The following SLC6A11 variants were observed in gnomAD, a reference collection of about 807,000 sequenced individuals.
SLC6A11 encodes sodium- and chloride-dependent GABA transporter 3.
A neutral mutation model predicts 74.8 loss-of-function variants in SLC6A11; 25 were observed. That is an observed-to-expected ratio of 0.33 (90% CI 0.24 to 0.47). The LOEUF (loss-of-function observed/expected upper bound fraction) is 0.47, where lower values mean the gene tolerates loss of function less well. Ranked by LOEUF, SLC6A11 falls within the 20% of genes least tolerant of loss-of-function variation. The pLI, the probability that SLC6A11 is intolerant of heterozygous loss-of-function variation, is 1.00. For synonymous variants in SLC6A11, 330 were observed against 330.2 expected (o/e 1.00, Z 0.01); for missense variants, 574 against 837.0 (o/e 0.69, Z 3.88).
intron 9 of SLC6A11, among the ~76,000 whole-genome samples, chr3:10,927,645 A>G (rs941223767): frequency 6.6e-6 from 1 of 152,142 alleles, no homozygotes; most frequent in African/African-American, 2.4e-5. Context: ...TAGGACCTGG[A>G]GAAAGGATAG....
intron 8 of SLC6A11, among the ~76,000 whole-genome samples, chr3:10,921,388 G>A (rs77514839): frequency 0.038 from 5,796 of 152,204 alleles, 229 homozygotes; most frequent in East Asian, 0.16. Flanking sequence ...GATGTGTGGT[G>A]GAAGTGCAAA....
At chr3:10,819,674 G>A (rs1694111924) in intron 2 of SLC6A11, 38 bp from the exon 3 acceptor site, 1 of 1,611,342 alleles carries the variant, frequency 6.2e-7, no homozygotes, top group Admixed American at 1.7e-5. Context: ...GTTTTGAAAA[G>A]ATAGACTCAA....
rs759849944 is a variant in SLC6A11, at chr3:10,918,320, TC to T, written c.996-5del. The T allele has an allele frequency of 3.8e-6, 6 of 1,577,068 alleles. No homozygotes were observed. The highest frequency in any genetic ancestry group is 5.2e-6 in the Non-Finnish European group (6 of 1,164,184). On this transcript the variant is annotated splice_polypyrimidine_tract_variant and splice_region_variant and intron_variant, in intron 7 of 13. Transcript: ENST00000254488. This position sits in a 1 kb window ranked among gnomAD's most constrained non-coding sequence, Gnocchi z 4.5. ...TCTGACCCTAGTGCCTCTCGCTGCT[TC>T]CCCACAGGGACTGCATCATGCTCTG...
chr3:10,933,354 T>G (rs1180081417), intron 11 of SLC6A11, 101 bp downstream of exon 11: 2 of 787,488 alleles, frequency 2.5e-6, no homozygotes, highest in African/African-American at 1.7e-5. Flanking sequence ...TGGCTTATCT[T>G]GGTCTATACT....
Position 10,918,340 on chromosome 3 carries a change from T to A in SLC6A11, c.1007T>A (p.Met336Lys). ...CTGCTTCCCCACAGGGACTGCATCA[T>A]GCTCTGTTGCCTGAACAGCGGCACC... ...YNNNCYRDCI[M>K]LCCLNSGTSF... is the part of the protein sequence containing the mutation. The change falls in exon 8 of 14, where the codon ATG (methionine) becomes AAG (lysine). Residue 336 changes from methionine to lysine, a missense_variant. By Grantham distance (95) the Met-to-Lys change is moderately conservative. Around this residue, in one of 4 missense-constraint regions of SLC6A11, gnomAD observed 215 missense variants for 357.9 expected, o/e 0.60. Transcript: ENST00000254488. The surrounding 1 kb of genome is among the most constrained non-coding windows in gnomAD (Gnocchi z 4.5). 6.2e-7 allele frequency: 1 copy of A among 1,602,236 alleles called. No individual in the cohort carries two copies. The highest frequency in any genetic ancestry group is 1.7e-4 in the Middle Eastern group (1 of 6,010).
intron 5 of SLC6A11, among the ~76,000 whole-genome samples, chr3:10,854,337 C>T (rs1403221003): frequency 6.6e-6 from 1 of 152,022 alleles, no homozygotes; most frequent in Non-Finnish European, 1.5e-5. Context: ...TGCAGTGAGC[C>T]GAGATCGCAC....
chr3:10,829,111 A>T (rs555562339), intron 4 of SLC6A11, among the ~76,000 whole-genome samples: 5 of 152,342 alleles, frequency 3.3e-5, no homozygotes, highest in Admixed American at 6.5e-5. Flanking sequence ...TCCTGTAGGA[A>T]GCCCAGCCCA....
At chr3:10,929,910 C>G (rs61445858) in intron 10 of SLC6A11, among the ~76,000 whole-genome samples, 5,202 of 152,152 alleles carry the variant, frequency 0.034, 308 homozygotes, top group African/African-American at 0.12. Flanking sequence ...ATATTTTTCT[C>G]CCCCACCTCC....
intron 7 of SLC6A11, among the ~76,000 whole-genome samples, chr3:10,913,404 G>C (rs1029502289): frequency 2.6e-5 from 4 of 152,148 alleles, no homozygotes; most frequent in Admixed American, 1.3e-4. Context: ...GTCAGAGGTG[G>C]GGAGGTGGGC....
chr3:10,895,314 A>T lies in SLC6A11; in HGVS notation c.892-16776A>T, dbSNP rs139798119. Among the ~76,000 whole-genome samples the T allele has an allele frequency of 1.7e-3, 257 of 152,334 alleles. 1 individual carries two copies. Among genetic ancestry groups the T allele is most frequent in the African/African-American group, 6.1e-3 (253 of 41,570 alleles). On this transcript the variant is annotated intron_variant, in intron 6 of 13. Transcript: ENST00000254488. ...AATACGAAGACAACATGAAGTTAGG[A>T]CTAATGAGTCTTGGGAACTTGGTAC...
rs1043178044 is a variant in SLC6A11 at position 10,915,080 on chromosome 3, C to T, written c.995+2887C>T. On this transcript the variant is annotated intron_variant, in intron 7 of 13. Coordinates refer to ENST00000254488, the MANE Select transcript of SLC6A11 (RefSeq NM_014229.3). This position sits in a 1 kb window ranked among gnomAD's most constrained non-coding sequence, Gnocchi z 4.3. ...ATGGTGGCCCGTGGAGCTCGAGTCC[C>T]TTACTCCTGTTCACATTGCCACAGA... Among the ~76,000 whole-genome samples the T allele has an allele frequency of 6.6e-6, 1 of 152,202 alleles. No homozygotes were observed. Among genetic ancestry groups the T allele is most frequent in the Non-Finnish European group, 1.5e-5 (1 of 68,042 alleles).
At chr3:10,877,265 A>T (rs1237455259) in intron 6 of SLC6A11, among the ~76,000 whole-genome samples, 1 of 152,158 alleles carries the variant, frequency 6.6e-6, no homozygotes, top group African/African-American at 2.4e-5. Context: ...TTACCTACAT[A>T]TTTGGTAATT....
intron 4 of SLC6A11, among the ~76,000 whole-genome samples, chr3:10,831,609 A>C (rs189739873): frequency 6.6e-6 from 1 of 152,350 alleles, no homozygotes; most frequent in Admixed American, 6.5e-5. Flanking sequence ...ACTCGGGGGT[A>C]AGTGAGGTTA....
chr3:10,899,313 C>A (rs1426592468), intron 6 of SLC6A11, among the ~76,000 whole-genome samples: 1 of 152,192 alleles, frequency 6.6e-6, no homozygotes, highest in Non-Finnish European at 1.5e-5. Context: ...GTGCCTGTTC[C>A]CACTCCCCAG....
At position 10,818,085 on chromosome 3, in the gene SLC6A11, T is replaced by TA. The variant is rs1260801551; in HGVS notation, c.257-1371dup. ...TGTCACAGATTTTTTTTTTTTTTTT[T>TA]AAAAAAAAAGGTTGTAGTGAGTAAA... On this transcript the variant is annotated intron_variant, in intron 1 of 13. Transcript: ENST00000254488. 3.2e-3 allele frequency among the ~76,000 whole-genome samples: 445 copies of TA among 139,318 alleles called. 1 individual carries two copies. The highest frequency in any genetic ancestry group is 4.9e-3 in the African/African-American group (193 of 39,046). The allele number at this position is 139,318 out of a possible 152,430, so 91.4% of individuals were successfully genotyped here.
intron 7 of SLC6A11, among the ~76,000 whole-genome samples, chr3:10,914,047 G>A (rs1275202047): frequency 1.1e-4 from 16 of 152,212 alleles, no homozygotes; most frequent in Non-Finnish European, 1.5e-5. Context: ...GCATAGGTGA[G>A]GGTAGGTGAG....
At chr3:10,903,853 A>G (rs540734587) in intron 6 of SLC6A11, among the ~76,000 whole-genome samples, 88 of 152,352 alleles carry the variant, frequency 5.8e-4, no homozygotes, top group Non-Finnish European at 1.1e-3. Flanking sequence ...CCACATATGC[A>G]CAATGACCAT....
At chr3:10,901,309 T>C (rs1284701881) in intron 6 of SLC6A11, among the ~76,000 whole-genome samples, 1 of 152,234 alleles carries the variant, frequency 6.6e-6, no homozygotes, top group Admixed American at 6.5e-5. Context: ...TGCCTGGACA[T>C]GGCTGTCCAG....
chr3:10,875,646 T>TA (rs1033438722), intron 6 of SLC6A11, among the ~76,000 whole-genome samples: 5 of 152,246 alleles, frequency 3.3e-5, no homozygotes, highest in South Asian at 2.1e-4. Flanking sequence ...TAGCTCGTAG[T>TA]AAAAAAAGAG....
Sources: allele counts gnomAD v4.1 joint callset (sites outside exome capture counted in the v4.1 genomes callset), GRCh38; gene constraint gnomAD v4.1.1; regional missense constraint gnomAD v4.1.1; non-coding constraint Gnocchi (gnomAD v3.1); transcripts MANE v1.5; gene names NCBI Gene and HGNC (gene_info 2026-07-23, HGNC 2026-07-21).